ULK1: variants seen among roughly 807,000 people sequenced by gnomAD.
ULK1 encodes the protein unc-51 like autophagy activating kinase 1.
ULK1 carries 48 observed loss-of-function variants against 117.5 expected under a neutral mutation model. The ratio of observed to expected loss-of-function variants is 0.41; its 90% CI spans 0.32 to 0.52. ULK1 has a LOEUF of 0.52. Among genes scored for constraint, ULK1 ranks in the 20% least tolerant of loss-of-function variants. ULK1 has a pLI of 0.29. For synonymous variants in ULK1, 790 were observed against 637.8 expected, an observed-to-expected ratio of 1.24 and a Z score of -3.60; for missense variants, 1,387 against 1,473.4, an observed-to-expected ratio of 0.94 and a Z score of 0.96.
At chr12:131,915,036 G>A (rs1889710429) in intron 16 of ULK1, 47 bp from the exon 17 acceptor site, 1 of 1,514,350 alleles carries the variant, frequency 6.6e-7, no homozygotes, top group Non-Finnish European at 8.8e-7. Context: ...CCACAGGTCA[G>A]GCAGGGCTGC....
Position 131,915,071 on chromosome 12 carries a change from C to A in ULK1, c.1374-12C>A. On this transcript the variant is annotated splice_polypyrimidine_tract_variant and intron_variant, in intron 16 of 27. Coordinates refer to ENST00000321867, the MANE Select transcript of ULK1 (RefSeq NM_003565.4). ...CTGAGGCCTCCCCTCCTAATATCTG[C>A]CTTGTCTTCAGGTCCTCTGCCATCC... The A allele has an allele frequency of 6.5e-7, 1 of 1,530,618 alleles. No individual in the cohort carries two copies. Among genetic ancestry groups the A allele is most frequent in the Non-Finnish European group, 8.8e-7 (1 of 1,139,570 alleles). The allele number at this position is 1,530,618 out of a possible 1,614,324, so 94.8% of individuals were successfully genotyped here. A position where few individuals can be genotyped will look rare whatever the true frequency, so the allele number is the denominator to read the frequency against.
At chr12:131,898,467 T>C (rs1197442312) in intron 3 of ULK1, among the ~76,000 whole-genome samples, 2 of 152,140 alleles carry the variant, frequency 1.3e-5, no homozygotes, top group Admixed American at 1.3e-4. Flanking sequence ...TCGTGGCTCA[T>C]GTGAGAAGTA....
At chr12:131,905,167 C>T (rs1254994385) in intron 3 of ULK1, among the ~76,000 whole-genome samples, 4 of 152,168 alleles carry the variant, frequency 2.6e-5, no homozygotes, top group African/African-American at 9.7e-5. Flanking sequence ...GGGTTGCTGC[C>T]TGAGCACCAT....
At chr12:131,915,309 C>G (rs1352051768) in intron 17 of ULK1, 26 bp from the exon 18 acceptor site, 1 of 1,612,188 alleles carries the variant, frequency 6.2e-7, no homozygotes, top group Non-Finnish European at 8.5e-7. Context: ...CCAGCTGGAC[C>G]CTGACAGATC....
intron 18 of ULK1, among the ~76,000 whole-genome samples, 170 bp from the exon 19 acceptor site, chr12:131,915,721 A>G (rs1889747898): frequency 1.3e-5 from 2 of 152,076 alleles, no homozygotes; most frequent in East Asian, 3.9e-4. Flanking sequence ...GTGAGCCGAG[A>G]TCATACCACC....
In ULK1 at chr12:131,921,718, T is replaced by C; in HGVS notation, c.*357T>C. ...CTGCCGACTCAAAGCCAAAGCGAGC[T>C]CCTGCTTAGGGAAGGTCAGCAGGCA... On this transcript the variant is annotated 3_prime_UTR_variant, in exon 28 of 28. Coordinates refer to ENST00000321867, the MANE Select transcript of ULK1 (RefSeq NM_003565.4). 1 of 594,654 alleles carries C rather than the reference T, an allele frequency of 1.7e-6. No individual in the cohort carries two copies. Among genetic ancestry groups the C allele is most frequent in the Non-Finnish European group, 3.1e-6 (1 of 317,676 alleles). The allele number at this position is 594,654 out of a possible 1,614,324, so 36.8% of individuals were successfully genotyped here. A position where few individuals can be genotyped will look rare whatever the true frequency, so the allele number is the denominator to read the frequency against.
chr12:131,912,068 A>T lies in ULK1; in HGVS notation c.1075A>T (p.Met359Leu), dbSNP rs778919220. 4 of 1,612,432 alleles carry T rather than the reference A, an allele frequency of 2.5e-6. No homozygotes were observed. Among genetic ancestry groups the T allele is most frequent in the Non-Finnish European group, 1.7e-6 (2 of 1,179,746 alleles). The change falls in exon 13 of 28, where the codon ATG becomes TTG. Residue 359 changes from methionine to leucine, a missense_variant. Coordinates refer to ENST00000321867, the MANE Select transcript of ULK1 (RefSeq NM_003565.4). ...TTCCTGTGACACAGACGACTTCGTC[A>T]TGGTCCCCGCGCAGTTTCCAGGTCA... ...DSSCDTDDFV[M>L]VPAQFPGDLV...
At chr12:131,907,715 G>A (rs1889333038) in intron 5 of ULK1, among the ~76,000 whole-genome samples, 184 bp downstream of exon 5, 1 of 152,178 alleles carries the variant, frequency 6.6e-6, no homozygotes, top group Non-Finnish European at 1.5e-5. Context: ...GCTCCCGGCT[G>A]TTAAGGATGC....
At chr12:131,898,813 G>A (rs1051063262) in intron 3 of ULK1, among the ~76,000 whole-genome samples, 7 of 151,874 alleles carry the variant, frequency 4.6e-5, no homozygotes, top group Non-Finnish European at 5.9e-5. Context: ...CTTTTACATT[G>A]GTGATGAATG....
chr12:131,916,567 A>G lies in ULK1; in HGVS notation c.2048A>G (p.Glu683Gly). The change falls in exon 20 of 28, where the codon GAG becomes GGG. Residue 683 changes from glutamate to glycine, a missense_variant. Transcript: ENST00000321867. ...TTGGGCCCTGGCCTGCGGCCAGGCG[A>G]GGACCCCAAGGGCCCCTTTGGCCGG... ...QPLGPGLRPG[E>G]DPKGPFGRSF... is the part of the protein sequence containing the mutation. The G allele has an allele frequency of 1.3e-6, 2 of 1,593,716 alleles. No homozygotes were observed. Among genetic ancestry groups the G allele is most frequent in the South Asian group, 2.2e-5 (2 of 90,082 alleles).
rs772903689 is a variant in ULK1, at chr12:131,910,701, G to A, written c.860-11G>A. 1.4e-5 allele frequency: 22 copies of A among 1,613,122 alleles called. No homozygotes were observed. Among genetic ancestry groups the A allele is most frequent in the East Asian group, 2.2e-5 (1 of 44,866 alleles). ...GGATGGCCCAGACTGACCTATGCATGTTTATCTCAGCCCCACCCGTGCCTG... is the reference window on the plus strand; with the variant it reads ...GGATGGCCCAGACTGACCTATGCATATTTATCTCAGCCCCACCCGTGCCTG... On this transcript the variant is annotated splice_polypyrimidine_tract_variant and intron_variant, in intron 11 of 27. Transcript: ENST00000321867.
chr12:131,909,700 C>T, intron 8 of ULK1, 75 bp from the exon 9 acceptor site: 2 of 1,417,826 alleles, frequency 1.4e-6, no homozygotes, highest in Admixed American at 2.6e-5. Flanking sequence ...CGACTGGGGA[C>T]GAACGCACCG....
At position 131,895,103 on chromosome 12, in the gene ULK1, C is replaced by T. The variant is rs1336614431; in HGVS notation, c.102C>T (p.Arg34=). ...CCTTCGCGGTGGTCTTCAAGGGCCG[C>T]CACCGCGAGGTGAGGCCCCCGTCCG... ...HGAFAVVFKG[R]HREKHDLEVA... Residue 34 remains arginine, a synonymous_variant, in exon 1 of 28, where the codon CGC becomes CGT. Coordinates refer to ENST00000321867, the MANE Select transcript of ULK1 (RefSeq NM_003565.4). The T allele has an allele frequency of 6.4e-7, 1 of 1,558,754 alleles. No individual in the cohort carries two copies. The highest frequency in any genetic ancestry group is 8.6e-7 in the Non-Finnish European group (1 of 1,161,002).
chr12:131,900,289 G>T (rs7970437), intron 3 of ULK1, among the ~76,000 whole-genome samples: 150,874 of 152,330 alleles, frequency 0.99, 74,730 homozygotes, highest in Middle Eastern at 1. Flanking sequence ...GGTATTCCCC[G>T]CCATGTTGTT....
Position 131,919,350 on chromosome 12 carries a change from G to A in ULK1, c.2650G>A (p.Ala884Thr), listed in dbSNP as rs766220159. The A allele has an allele frequency of 6.7e-6, 9 of 1,341,492 alleles. No homozygotes were observed. The highest frequency in any genetic ancestry group is 8.9e-6 in the Non-Finnish European group (9 of 1,015,724). 83.1% of individuals were successfully genotyped at this position (1,341,492 alleles called of 1,614,324 possible). ...PEYQLQESVV[A>T]DQISLLSREW... ...GTACCAGCTGCAGGAGAGTGTGGTG[G>A]CCGACCAGATCAGCCTGCTGAGCCG... The change falls in exon 24 of 28, where the codon GCC (alanine) becomes ACC (threonine). Residue 884 changes from alanine to threonine, a missense_variant. By Grantham distance (58) the Ala-to-Thr change is moderately conservative. Transcript: ENST00000321867.
At chr12:131,913,950 T>G (rs879571635) in intron 15 of ULK1, 114 bp downstream of exon 15, 32 of 970,402 alleles carry the variant, frequency 3.3e-5, no homozygotes, top group Middle Eastern at 6.8e-4. Context: ...GGCCCCTGCC[T>G]TCTTCTCCCA....
At position 131,916,138 on chromosome 12, in the gene ULK1, C is replaced by A. The variant is rs745358037; in HGVS notation, c.1857C>A (p.Pro619=). ...PDFLQRNPLP[P]ILGSPTKAVP... is the part of the protein sequence containing the mutation. ...TCCTGCAGCGAAACCCCCTGCCCCC[C>A]ATCCTGGGCTCCCCCACCAAGGTAA... The change falls in exon 19 of 28, where the codon CCC becomes CCA. Residue 619 remains proline (P), a synonymous_variant. Transcript: ENST00000321867. 1.9e-6 allele frequency: 3 copies of A among 1,611,958 alleles called. No individual in the cohort carries two copies. Among genetic ancestry groups the A allele is most frequent in the African/African-American group, 1.3e-5 (1 of 74,910 alleles).
chr12:131,917,631 C>T, intron 22 of ULK1, 77 bp downstream of exon 22: 1 of 1,279,638 alleles, frequency 7.8e-7, no homozygotes, highest in Non-Finnish European at 9.9e-7. Context: ...CATCCTTTAA[C>T]TCGGGTCACT....
intron 10 of ULK1, 47 bp downstream of exon 10, chr12:131,910,048 T>G (rs992422371): frequency 5.0e-6 from 8 of 1,603,162 alleles, no homozygotes; most frequent in Non-Finnish European, 6.8e-6. Flanking sequence ...CCCTCCTTCC[T>G]TGCATTTGCT....
Sources: allele counts gnomAD v4.1 joint callset (sites outside exome capture counted in the v4.1 genomes callset), GRCh38; gene constraint gnomAD v4.1.1; transcripts MANE v1.5; gene names NCBI Gene and HGNC (gene_info 2026-07-23, HGNC 2026-07-21).